The following COLEC12 variants were observed in gnomAD, a reference collection of about 807,000 sequenced individuals.
COLEC12 encodes collectin-12.
Under a neutral mutation model 71.1 loss-of-function variants are expected in COLEC12, and 33 were observed. The ratio of observed to expected loss-of-function variants is 0.46; its 90% CI spans 0.35 to 0.62. COLEC12 has a LOEUF of 0.62. COLEC12 is among the 20% of genes least tolerant of loss of function. The probability of loss-of-function intolerance (pLI) is 0.00; values close to 1 mark genes in which losing one functional copy is unlikely to be tolerated. For missense variants in COLEC12, 765 were observed against 916.1 expected, an observed-to-expected ratio of 0.84 and a Z score of 2.13; for synonymous variants, 350 against 353.0, an observed-to-expected ratio of 0.99 and a Z score of 0.10.
At position 495,851 on chromosome 18, in the gene COLEC12, C is replaced by T. The variant is rs143767943; in HGVS notation, c.7+4657G>A. Reference sequence around the variant, plus strand: ...TGAGCCTGAATACTGATCCCCCCCGCCACCAACTAGCTGGGTACCCTTAGA... The same window carrying T: ...TGAGCCTGAATACTGATCCCCCCCGTCACCAACTAGCTGGGTACCCTTAGA... On this transcript the variant is annotated intron_variant, in intron 1 of 9. Coordinates refer to ENST00000400256, the MANE Select transcript of COLEC12 (RefSeq NM_130386.3). Among the ~76,000 whole-genome samples the T allele has an allele frequency of 5.1e-3, 774 of 152,282 alleles. 6 individuals are homozygous for T. The highest frequency in any genetic ancestry group is 0.017 in the African/African-American group (700 of 41,546).
intron 1 of COLEC12, among the ~76,000 whole-genome samples, chr18:493,192 A>G (rs138455078): frequency 6.6e-6 from 1 of 152,262 alleles, no homozygotes; most frequent in African/African-American, 2.4e-5. Context: ...CTCCCACCTC[A>G]GTCTCCCAAG....
chr18:487,950 T>C (rs1416997055), intron 1 of COLEC12, among the ~76,000 whole-genome samples: 2 of 151,930 alleles, frequency 1.3e-5, no homozygotes, highest in Admixed American at 6.6e-5. Context: ...ACCTCTAACA[T>C]GAAAAGACAA....
At chr18:443,121 C>T (rs535807272) in intron 2 of COLEC12, among the ~76,000 whole-genome samples, 4 of 152,154 alleles carry the variant, frequency 2.6e-5, no homozygotes, top group Admixed American at 6.5e-5. Flanking sequence ...TTAGTTAATA[C>T]GGAATTATAT....
chr18:413,474 T>G (rs77214823), intron 2 of COLEC12, among the ~76,000 whole-genome samples: 1 of 151,364 alleles, frequency 6.6e-6, no homozygotes, highest in East Asian at 2.0e-4. Flanking sequence ...AATGGCTATA[T>G]GACTCAGCAA....
intron 8 of COLEC12, among the ~76,000 whole-genome samples, chr18:325,626 CCT>C (rs1491202174): frequency 1.8e-3 from 99 of 55,974 alleles, no homozygotes; most frequent in African/African-American, 5.7e-3. Context: ...AAAGGATCAG[CCT>C]TTTTTTTTTT....
In COLEC12 at chr18:348,161, C is replaced by A. The variant is rs374230629; in HGVS notation, c.184G>T (p.Val62Leu). 1.2e-6 allele frequency: 2 copies of A among 1,608,140 alleles called. No homozygotes were observed. The highest frequency in any genetic ancestry group is 1.7e-6 in the Non-Finnish European group (2 of 1,174,782). ...CCTGTGACATTGTCCATTTTCTCTA[C>A]AACTAAGATTTGGAAAATGATGCAT... ...ITVAILGYKV[V>L]EKMDNVTGGM... The change falls in exon 4 of 10, where the codon GTA (valine) becomes TTA (leucine). Residue 62 changes from valine to leucine, a missense_variant and splice_region_variant. Val to Leu is a conservative substitution (Grantham distance 32). Transcript: ENST00000400256.
At chr18:391,955 A>C (rs1479362676) in intron 2 of COLEC12, among the ~76,000 whole-genome samples, 2 of 152,220 alleles carry the variant, frequency 1.3e-5, no homozygotes, top group African/African-American at 4.8e-5. Flanking sequence ...TCTGCTGAGA[A>C]TATCCTCATC....
At chr18:392,502 T>C (rs1011279614) in intron 2 of COLEC12, among the ~76,000 whole-genome samples, 9 of 152,232 alleles carry the variant, frequency 5.9e-5, no homozygotes, top group South Asian at 2.1e-4. Flanking sequence ...GTTATATAAA[T>C]ATGTAGGATT....
In COLEC12 at chr18:400,870, T is replaced by TTGTG. The variant is rs112091244; in HGVS notation, c.59-43352_59-43349dup. Among the ~76,000 whole-genome samples the TTGTG allele has an allele frequency of 1.2e-3, 177 of 151,398 alleles. 1 individual carries two copies. The highest frequency in any genetic ancestry group is 3.5e-3 in the African/African-American group (146 of 41,300). On this transcript the variant is annotated intron_variant, in intron 2 of 9. Transcript: ENST00000400256. ...TGCTGTTGTTTCAAGAAATAACAAT[T>TTGTG]TGTGTGTGTGTGTGTGTGTTTTAAG...
At position 480,797 on chromosome 18, in the gene COLEC12, G is replaced by A. The variant is rs377006408; in HGVS notation, c.8-40C>T. 8.9e-6 allele frequency: 14 copies of A among 1,579,022 alleles called. No homozygotes were observed. Among genetic ancestry groups the A allele is most frequent in the African/African-American group, 4.0e-5 (3 of 74,266 alleles). ...GAGACACGATGTTAATCCTGGCAAG[G>A]GGCACAGAAGCAGAGGGTGGGGCAG... is the stretch of plus-strand genomic sequence containing the variant. On this transcript the variant is annotated intron_variant, in intron 1 of 9. Transcript: ENST00000400256. The surrounding 1 kb of genome is among the most constrained non-coding windows in gnomAD (Gnocchi z 4.1).
rs183991955 is a variant in COLEC12 at position 484,860 on chromosome 18, C to A, written c.8-4103G>T. On this transcript the variant is annotated intron_variant, in intron 1 of 9. Coordinates refer to ENST00000400256, the MANE Select transcript of COLEC12 (RefSeq NM_130386.3). ...CCACTCCCAGATGTTCCCAGCTGCT[C>A]AGTTAGCAAACAGCTGATTCAGGCT... is the stretch of plus-strand genomic sequence containing the variant. 9.2e-5 allele frequency among the ~76,000 whole-genome samples: 14 copies of A among 152,312 alleles called. 1 individual carries two copies. The highest frequency in any genetic ancestry group is 8.5e-4 in the Admixed American group (13 of 15,292).
intron 2 of COLEC12, among the ~76,000 whole-genome samples, chr18:410,238 CA>C (rs1231001447): frequency 2.0e-5 from 3 of 152,180 alleles, no homozygotes; most frequent in African/African-American, 7.2e-5. Context: ...CTTGAAAAAC[CA>C]AGTCAACTAA....
At chr18:463,424 A>G (rs1380753230) in intron 2 of COLEC12, among the ~76,000 whole-genome samples, 1 of 152,212 alleles carries the variant, frequency 6.6e-6, no homozygotes. Flanking sequence ...GAAGATCTAT[A>G]TCAATTAAAA....
At chr18:487,703 A>G (rs534386132) in intron 1 of COLEC12, among the ~76,000 whole-genome samples, 2 of 152,358 alleles carry the variant, frequency 1.3e-5, no homozygotes, top group South Asian at 4.1e-4. Context: ...CCACTTAGCC[A>G]GAAAGTCCCC....
intron 8 of COLEC12, among the ~76,000 whole-genome samples, chr18:328,122 CT>C (rs1158707839): frequency 2.6e-5 from 4 of 152,098 alleles, no homozygotes; most frequent in African/African-American, 9.7e-5. Context: ...TGGATCCAGT[CT>C]TGGTAGGCTG....
intron 5 of COLEC12, among the ~76,000 whole-genome samples, chr18:341,875 G>A (rs1914260293): frequency 6.6e-6 from 1 of 152,172 alleles, no homozygotes; most frequent in Non-Finnish European, 1.5e-5. Flanking sequence ...ACTCTCGGAA[G>A]AGCAGAGAGG....
At chr18:423,136 G>A (rs968371899) in intron 2 of COLEC12, among the ~76,000 whole-genome samples, 4 of 152,130 alleles carry the variant, frequency 2.6e-5, no homozygotes, top group African/African-American at 4.8e-5. Context: ...TGGGTGTGAT[G>A]TTGATGCCTG....
At chr18:439,313 C>T (rs1039444830) in intron 2 of COLEC12, among the ~76,000 whole-genome samples, 5 of 152,106 alleles carry the variant, frequency 3.3e-5, no homozygotes, top group Non-Finnish European at 5.9e-5. Context: ...AAATGATATA[C>T]GATCTTTGGT....
chr18:366,972 G>A (rs912346127), intron 2 of COLEC12, among the ~76,000 whole-genome samples: 3 of 152,202 alleles, frequency 2.0e-5, no homozygotes, highest in African/African-American at 4.8e-5. Context: ...TGGAGGTAGA[G>A]GGTGGAATGA....
Sources: gnomAD v4.1 joint callset for allele counts (sites outside exome capture counted in the v4.1 genomes callset) on GRCh38, gnomAD v4.1.1 for gene constraint, Gnocchi (gnomAD v3.1) non-coding constraint, MANE v1.5 for transcripts, NCBI Gene and HGNC (gene_info 2026-07-23, HGNC 2026-07-21) for gene names.